The following SMIM35 variants were observed in gnomAD, a reference collection of about 807,000 sequenced individuals.
The protein encoded by SMIM35 is small integral membrane protein 35.
chr11:118,072,944 G>A (rs754621722), intron 1 of SMIM35, among the ~76,000 whole-genome samples: 1 of 152,128 alleles, frequency 6.6e-6, no homozygotes, highest in Admixed American at 6.5e-5. Flanking sequence ...TTTTTGAGAC[G>A]GAGTCTCGCT....
chr11:118,034,592 T>A (rs1337932298), intron 1 of SMIM35, among the ~76,000 whole-genome samples: 2 of 152,136 alleles, frequency 1.3e-5, no homozygotes, highest in Non-Finnish European at 2.9e-5. Context: ...GGCGTGGTGG[T>A]TCACATCTGT....
At chr11:118,057,881 C>T (rs895789037) in intron 1 of SMIM35, among the ~76,000 whole-genome samples, 2 of 152,102 alleles carry the variant, frequency 1.3e-5, no homozygotes, top group Non-Finnish European at 2.9e-5. Context: ...GGATGACTGA[C>T]CAGAGACTGA....
intron 1 of SMIM35, among the ~76,000 whole-genome samples, chr11:118,061,728 C>A (rs762892429): frequency 2.0e-5 from 3 of 152,118 alleles, no homozygotes; most frequent in African/African-American, 4.8e-5. Flanking sequence ...ATCTACGGGG[C>A]CCATTTCCTC....
At chr11:118,085,736 T>A (rs780024157) in intron 1 of SMIM35, among the ~76,000 whole-genome samples, 1 of 152,194 alleles carries the variant, frequency 6.6e-6, no homozygotes, top group Non-Finnish European at 1.5e-5. Context: ...AAGGCTGAAC[T>A]GTGTGGCGGG....
intron 1 of SMIM35, among the ~76,000 whole-genome samples, chr11:118,086,497 T>C (rs1945565484): frequency 6.6e-6 from 1 of 152,386 alleles, no homozygotes; most frequent in African/African-American, 2.4e-5. Flanking sequence ...AGGCAGTGTT[T>C]GTGAGGATGC....
chr11:118,069,922 G>A (rs655881), intron 1 of SMIM35, among the ~76,000 whole-genome samples: 126 of 152,160 alleles, frequency 8.3e-4, no homozygotes, highest in African/African-American at 2.7e-3. Context: ...TTAGCCAGGG[G>A]TGGTGGCAGG....
chr11:118,027,016 C>CTT (rs60864416), intron 1 of SMIM35, among the ~76,000 whole-genome samples: 4,311 of 93,198 alleles, frequency 0.046, 390 homozygotes, highest in Non-Finnish European at 0.051. Flanking sequence ...ACCACCACCA[C>CTT]TTTTTTTTTT....
chr11:118,050,682 G>A (rs770202611), intron 1 of SMIM35, among the ~76,000 whole-genome samples: 43 of 152,176 alleles, frequency 2.8e-4, no homozygotes, highest in Non-Finnish European at 4.4e-5. Flanking sequence ...AGTGCCGGCC[G>A]ATGCATGCAT....
intron 1 of SMIM35, among the ~76,000 whole-genome samples, chr11:118,051,825 GATACTA>G (rs57139857): frequency 0.26 from 38,835 of 149,384 alleles, 4,951 homozygotes; most frequent in Admixed American, 0.28. Flanking sequence ...AGTTTAGGTT[GATACTA>G]ATACTAATAC....
intron 1 of SMIM35, among the ~76,000 whole-genome samples, chr11:118,078,896 A>G (rs1349006700): frequency 3.3e-5 from 5 of 152,146 alleles, no homozygotes; most frequent in Non-Finnish European, 5.9e-5. Flanking sequence ...CAGAGATTAC[A>G]CAGCTAATAC....
At chr11:118,018,607 G>C (rs1320600273) in intron 1 of SMIM35, among the ~76,000 whole-genome samples, 1 of 152,122 alleles carries the variant, frequency 6.6e-6, no homozygotes, top group Non-Finnish European at 1.5e-5. Flanking sequence ...TGGAAGCTGG[G>C]GTTTGAAGGG....
chr11:118,054,168 TG>T (rs61606476), intron 1 of SMIM35, among the ~76,000 whole-genome samples: 51,217 of 142,486 alleles, frequency 0.36, 8,803 homozygotes, highest in African/African-American at 0.42. Flanking sequence ...TTTTTTGTTT[TG>T]TTTTTTTGTT....
intron 1 of SMIM35, among the ~76,000 whole-genome samples, chr11:118,061,345 A>T (rs921552636): frequency 3.3e-5 from 5 of 152,248 alleles, no homozygotes; most frequent in African/African-American, 1.2e-4. Context: ...GATTGAAAAG[A>T]TTGGATGATC....
At chr11:118,042,068 A>AAGAG (rs55720011) in intron 1 of SMIM35, among the ~76,000 whole-genome samples, 27,757 of 117,666 alleles carry the variant, frequency 0.24, 3,754 homozygotes, top group Non-Finnish European at 0.3. Context: ...AAAAAAAAAA[A>AAGAG]AGAGAGAGAG....
At chr11:118,084,687 A>T (rs1945408111) in intron 1 of SMIM35, among the ~76,000 whole-genome samples, 1 of 152,196 alleles carries the variant, frequency 6.6e-6, no homozygotes, top group African/African-American at 2.4e-5. Context: ...AGAGAGCACT[A>T]ATTTTCACTT....
intron 1 of SMIM35, among the ~76,000 whole-genome samples, chr11:118,047,588 C>T (rs1380807765): frequency 1.3e-5 from 2 of 152,172 alleles, no homozygotes; most frequent in Non-Finnish European, 2.9e-5. Context: ...CAGAGGATCC[C>T]AGACCTTAGA....
At chr11:118,023,560 A>G (rs1477935059) in intron 1 of SMIM35, among the ~76,000 whole-genome samples, 3 of 136,452 alleles carry the variant, frequency 2.2e-5, no homozygotes, top group Non-Finnish European at 3.1e-5. Flanking sequence ...TGTGTAAAAG[A>G]CCCCATTTTT....
chr11:118,015,586 T>G (rs199610494), intron 2 of SMIM35, 107 bp downstream of exon 2: 2 of 398,400 alleles, frequency 5.0e-6, no homozygotes, highest in Non-Finnish European at 4.4e-6. Flanking sequence ...GAAATATTTT[T>G]CATCCCACCA....
intron 4 of SMIM35, among the ~76,000 whole-genome samples, chr11:118,011,519 C>A (rs184803951): frequency 6.6e-6 from 1 of 152,066 alleles, no homozygotes; most frequent in African/African-American, 2.4e-5. Context: ...TAGTGAAACC[C>A]CATCTGTACT....
Sources: gnomAD v4.1 joint callset for allele counts (sites outside exome capture counted in the v4.1 genomes callset) on GRCh38, gnomAD v4.1.1 for gene constraint, MANE v1.5 for transcripts, NCBI Gene and HGNC (gene_info 2026-07-23, HGNC 2026-07-21) for gene names.